EZR: variants seen among roughly 807,000 people sequenced by gnomAD.
EZR encodes cytovillin 2.
Under a neutral mutation model 74.8 loss-of-function variants are expected in EZR, and 40 were observed. That is an observed-to-expected ratio of 0.53 (90% CI 0.42 to 0.70). The LOEUF is 0.70. Ranked by LOEUF, EZR falls within the 30% of genes least tolerant of loss-of-function variation. The probability of loss-of-function intolerance (pLI) is 0.00; values close to 1 mark genes in which losing one functional copy is unlikely to be tolerated. For missense variants in EZR, 678 were observed against 755.8 expected (o/e 0.90, Z 1.21); for synonymous variants, 341 against 283.3 (o/e 1.20, Z -2.05).
intron 6 of EZR, 111 bp downstream of exon 6, chr6:158,784,533 C>T: frequency 7.4e-6 from 7 of 943,104 alleles, no homozygotes; most frequent in Non-Finnish European, 9.7e-6. Flanking sequence ...CCCTCAAGGT[C>T]TTCACAAGGC....
At chr6:158,814,180 G>A (rs1267620891) in intron 2 of EZR, among the ~76,000 whole-genome samples, 5 of 152,146 alleles carry the variant, frequency 3.3e-5, no homozygotes, top group Non-Finnish European at 5.9e-5. Context: ...CTCCTTGGAC[G>A]TCAGCCAGTC....
intron 2 of EZR, 59 bp downstream of exon 2, chr6:158,818,023 G>T: frequency 6.4e-7 from 1 of 1,567,324 alleles, no homozygotes; most frequent in Non-Finnish European, 8.7e-7. Context: ...TCGAGCAGGT[G>T]CCTCCCCTCT....
chr6:158,791,795 G>A (rs1231228373), intron 2 of EZR, among the ~76,000 whole-genome samples: 17 of 138,128 alleles, frequency 1.2e-4, no homozygotes, highest in Admixed American at 1.1e-3. Flanking sequence ...TGCAAGCTCC[G>A]CCTCCCAGGT....
Position 158,803,588 on chromosome 6 carries a change from TATATATATATATATATAC to T in EZR, c.13-14235_13-14218del, listed in dbSNP as rs1562504578. Among the ~76,000 whole-genome samples, 40 of 13,268 alleles carry T rather than the reference TATATATATATATATATAC, an allele frequency of 3.0e-3. 6 individuals are homozygous for T. Among genetic ancestry groups the T allele is most frequent in the African/African-American group, 7.4e-3 (19 of 2,558 alleles). 8.7% of individuals were successfully genotyped at this position (13,268 alleles called of 152,430 possible). On this transcript the variant is annotated intron_variant, in intron 2 of 13. Coordinates refer to ENST00000367075, the MANE Select transcript of EZR (RefSeq NM_001111077.2). ...ATATATATATATATATATACATATA[TATATATATATATATATAC>T]ATATATATATATATATATACATATA... is the stretch of plus-strand genomic sequence containing the variant.
At chr6:158,777,517 G>A (rs1183459754) in intron 7 of EZR, among the ~76,000 whole-genome samples, 2 of 152,198 alleles carry the variant, frequency 1.3e-5, no homozygotes, top group Non-Finnish European at 2.9e-5. Flanking sequence ...TTTTACCAGG[G>A]ATAATGCCAT....
intron 2 of EZR, among the ~76,000 whole-genome samples, chr6:158,805,254 G>C (rs558585502): frequency 6.7e-6 from 1 of 148,742 alleles, no homozygotes; most frequent in African/African-American, 2.5e-5. Flanking sequence ...CAGGAGAATC[G>C]CTTGAACCAG....
chr6:158,787,073 A>G (rs1308561526), intron 4 of EZR, 35 bp downstream of exon 4: 1 of 1,547,568 alleles, frequency 6.5e-7, no homozygotes. Context: ...ACCAACACCC[A>G]ATCCACAGCC....
At chr6:158,800,877 G>C (rs760009694) in intron 2 of EZR, among the ~76,000 whole-genome samples, 2 of 152,130 alleles carry the variant, frequency 1.3e-5, no homozygotes, top group Non-Finnish European at 2.9e-5. Flanking sequence ...TGTAGAACAC[G>C]GCTACTCCTT....
At chr6:158,795,258 T>A (rs1161316503) in intron 2 of EZR, among the ~76,000 whole-genome samples, 2 of 151,060 alleles carry the variant, frequency 1.3e-5, no homozygotes, top group African/African-American at 2.4e-5. Context: ...TCGCAAAAAA[T>A]AAATAAATAA....
In EZR at chr6:158,767,531, TAA is replaced by T; in HGVS notation, c.1345-21_1345-20del. On this transcript the variant is annotated intron_variant, in intron 12 of 13. Transcript: ENST00000367075. ...CTTTGGCCTTTGGAAAGCAAATTAATAAGAGGACTTCTCACCCAGAAGTCCTA... is the reference window on the plus strand; with the variant it reads ...CTTTGGCCTTTGGAAAGCAAATTAATGAGGACTTCTCACCCAGAAGTCCTA... 1 of 1,554,062 alleles carries T rather than the reference TAA, an allele frequency of 6.4e-7. No homozygotes were observed. Among genetic ancestry groups the T allele is most frequent in the East Asian group, 2.3e-5 (1 of 44,356 alleles).
chr6:158,817,534 G>C (rs1777584804), intron 2 of EZR, among the ~76,000 whole-genome samples: 1 of 152,240 alleles, frequency 6.6e-6, no homozygotes, highest in Non-Finnish European at 1.5e-5. Flanking sequence ...TTCTGCTGCA[G>C]CCAGCAAGTT....
intron 10 of EZR, 87 bp from the exon 11 acceptor site, chr6:158,770,031 A>G (rs2128565102): frequency 1.3e-6 from 2 of 1,552,992 alleles, no homozygotes; most frequent in South Asian, 2.3e-5. Context: ...CCAAAGCCAC[A>G]GAGCCCTAGA....
At chr6:158,797,074 A>T (rs1777089310) in intron 2 of EZR, among the ~76,000 whole-genome samples, 1 of 152,174 alleles carries the variant, frequency 6.6e-6, no homozygotes, top group African/African-American at 2.4e-5. Flanking sequence ...ATAGGTATGC[A>T]ATTTTTCCTT....
At chr6:158,770,932 T>C in intron 9 of EZR, 38 bp from the exon 10 acceptor site, 3 of 1,613,984 alleles carry the variant, frequency 1.9e-6, no homozygotes, top group Non-Finnish European at 1.7e-6. Context: ...AGATTTAGAC[T>C]CTGGCAGGAA....
chr6:158,789,720 C>G (rs998555878), intron 2 of EZR, among the ~76,000 whole-genome samples: 1 of 152,222 alleles, frequency 6.6e-6, no homozygotes, highest in South Asian at 2.1e-4. Context: ...CAGGCTCACA[C>G]GAACGCCTCC....
At chr6:158,812,038 G>C (rs1389990094) in intron 2 of EZR, among the ~76,000 whole-genome samples, 2 of 123,320 alleles carry the variant, frequency 1.6e-5, no homozygotes, top group African/African-American at 5.7e-5. Flanking sequence ...AGAGACCACT[G>C]GGCACTGCCA....
At position 158,789,385 on chromosome 6, in the gene EZR, T is replaced by C. The variant is rs746204043; in HGVS notation, c.13-14A>G. ...TCGGACATTGATCTGAAAAACAGAA[T>C]GAAACAAATTACGCTTAACTGAGTA... On this transcript the variant is annotated splice_polypyrimidine_tract_variant and intron_variant, in intron 2 of 13. Coordinates refer to ENST00000367075, the MANE Select transcript of EZR (RefSeq NM_001111077.2). 7 of 1,609,994 alleles carry C rather than the reference T, an allele frequency of 4.3e-6. No homozygotes were observed. The highest frequency in any genetic ancestry group is 6.0e-6 in the Non-Finnish European group (7 of 1,176,314).
At chr6:158,813,802 A>G (rs768941349) in intron 2 of EZR, among the ~76,000 whole-genome samples, 8 of 152,238 alleles carry the variant, frequency 5.3e-5, no homozygotes, top group Non-Finnish European at 1.0e-4. Context: ...TTCAGAAATG[A>G]ACAGGTAAGA....
chr6:158,790,206 A>G (rs977044740), intron 2 of EZR, among the ~76,000 whole-genome samples: 6 of 152,252 alleles, frequency 3.9e-5, no homozygotes, highest in African/African-American at 1.2e-4. Flanking sequence ...ATTGCTTCTG[A>G]AATAAAAAAT....
Sources: gnomAD v4.1 joint callset for allele counts (sites outside exome capture counted in the v4.1 genomes callset) on GRCh38, gnomAD v4.1.1 for gene constraint, MANE v1.5 for transcripts, NCBI Gene and HGNC (gene_info 2026-07-23, HGNC 2026-07-21) for gene names.